NRXN2: variants seen among roughly 807,000 people sequenced by gnomAD.
NRXN2 encodes the protein neurexin 2, also known as neurexin-2-beta.
NRXN2 carries 29 observed loss-of-function variants against 128.8 expected under a neutral mutation model. That is an observed-to-expected ratio of 0.23 (90% CI 0.17 to 0.31). The LOEUF (loss-of-function observed/expected upper bound fraction) is 0.31. Ranked by LOEUF, NRXN2 falls within the 10% of genes least tolerant of loss-of-function variation. The probability of loss-of-function intolerance (pLI) is 1.00; values close to 1 mark genes in which losing one functional copy is unlikely to be tolerated. For missense variants in NRXN2, 1,881 were observed against 2,452.6 expected (o/e 0.77, Z 4.92); for synonymous variants, 1,098 against 1,075.2 (o/e 1.02, Z -0.41).
At position 64,714,955 on chromosome 11, in the gene NRXN2, A is replaced by C. The variant is rs1473172764; in HGVS notation, c.-244-1012T>G. 6.6e-6 allele frequency among the ~76,000 whole-genome samples: 1 copy of C among 151,846 alleles called. No homozygotes were observed. The highest frequency in any genetic ancestry group is 1.5e-5 in the Non-Finnish European group (1 of 67,970). On this transcript the variant is annotated intron_variant, in intron 1 of 22. Transcript: ENST00000265459. This position sits in a 1 kb window ranked among gnomAD's most constrained non-coding sequence, Gnocchi z 4.5. ...ATATTGCATTGATTTTATTTTGGGGAGGGAGGGAGAGAAGGAGGTGGGGAG... is the reference window on the plus strand; with the variant it reads ...ATATTGCATTGATTTTATTTTGGGGCGGGAGGGAGAGAAGGAGGTGGGGAG...
intron 2 of NRXN2, among the ~76,000 whole-genome samples, chr11:64,711,985 A>C (rs2056942350): frequency 6.6e-6 from 1 of 152,170 alleles, no homozygotes; most frequent in African/African-American, 2.4e-5. Flanking sequence ...CCTCACGCCT[A>C]GGCCCTCATC....
Position 64,626,486 on chromosome 11 carries a change from A to G in NRXN2, c.3824T>C (p.Val1275Ala), listed in dbSNP as rs2043084327. The G allele has an allele frequency of 1.2e-6, 2 of 1,613,238 alleles. No homozygotes were observed. Among genetic ancestry groups the G allele is most frequent in the African/African-American group, 2.7e-5 (2 of 74,902 alleles). The change falls in exon 20 of 23, where the codon GTA becomes GCA. Residue 1275 changes from valine to alanine, a missense_variant. Around this residue, in one of 7 missense-constraint regions of NRXN2, gnomAD observed 390 missense variants for 599.6 expected, o/e 0.65. Coordinates refer to ENST00000265459, the MANE Select transcript of NRXN2 (RefSeq NM_015080.4). ...QRIPYRLGRV[V>A]DEWLLDKGRQ... Reference sequence around the variant, plus strand: ...ACCTTTGTCGAGCAGCCACTCATCTACTACTCGACCAAGCCGGTAGGGGAT... The same window carrying G: ...ACCTTTGTCGAGCAGCCACTCATCTGCTACTCGACCAAGCCGGTAGGGGAT...
chr11:64,644,914 C>T (rs910057183), intron 17 of NRXN2, among the ~76,000 whole-genome samples: 1 of 152,148 alleles, frequency 6.6e-6, no homozygotes, highest in African/African-American at 2.4e-5. Context: ...CCACCCCCAG[C>T]TCCAGGATGC....
At chr11:64,612,494 T>G (rs956696946) in intron 22 of NRXN2, among the ~76,000 whole-genome samples, 2 of 152,218 alleles carry the variant, frequency 1.3e-5, no homozygotes, top group Admixed American at 1.3e-4. Flanking sequence ...TAAGAAAAAC[T>G]GAATTTCAGT....
chr11:64,670,768 G>A (rs781053353), intron 7 of NRXN2, among the ~76,000 whole-genome samples: 16 of 152,140 alleles, frequency 1.1e-4, no homozygotes, highest in Non-Finnish European at 1.9e-4. Flanking sequence ...AATACCTAAG[G>A]AGCCTGTGAC....
chr11:64,665,919 G>A (rs1363829292), intron 9 of NRXN2, among the ~76,000 whole-genome samples: 1 of 152,192 alleles, frequency 6.6e-6, no homozygotes, highest in African/African-American at 2.4e-5. Flanking sequence ...CTGAAATGAA[G>A]GGTAAAGAAG....
At chr11:64,626,424 TA>T (rs1332033991) in intron 20 of NRXN2, 38 bp downstream of exon 20, 2 of 1,487,608 alleles carry the variant, frequency 1.3e-6, no homozygotes, top group Admixed American at 3.4e-5. Flanking sequence ...ATAGTGTTTT[TA>T]AAGTTAATTA....
At position 64,613,835 on chromosome 11, in the gene NRXN2, G is replaced by T. The variant is rs547510941; in HGVS notation, c.4253-5753C>A. 2.0e-5 allele frequency among the ~76,000 whole-genome samples: 3 copies of T among 152,304 alleles called. No individual in the cohort carries two copies. In the East Asian group the frequency reaches 5.8e-4, roughly 29 times the overall value. ...ACTCGTGACAATCCAAGGCGTGGAG[G>T]CTGGGAAGATAAAACCCACATAATG... On this transcript the variant is annotated intron_variant, in intron 22 of 22. Transcript: ENST00000265459.
intron 22 of NRXN2, among the ~76,000 whole-genome samples, chr11:64,616,048 T>C (rs1283486317): frequency 6.6e-6 from 1 of 152,128 alleles, no homozygotes; most frequent in Non-Finnish European, 1.5e-5. Context: ...AGTATGAGCT[T>C]CTATAGGGGC....
intron 17 of NRXN2, among the ~76,000 whole-genome samples, chr11:64,642,013 GGAGGA>G (rs2045749631): frequency 6.6e-6 from 1 of 152,072 alleles, no homozygotes; most frequent in Non-Finnish European, 1.5e-5. Context: ...AAGAGGTCAA[GGAGGA>G]AGAGACATGT....
rs899310405 is a variant in NRXN2 at position 64,622,895 on chromosome 11, G to A, written c.4031C>T (p.Pro1344Leu). Residue 1344 changes from proline to leucine, a missense_variant, in exon 21 of 23, where the codon CCG becomes CTG. Coordinates refer to ENST00000265459, the MANE Select transcript of NRXN2 (RefSeq NM_015080.4). This position sits in a 1 kb window ranked among gnomAD's most constrained non-coding sequence, Gnocchi z 4.3. ...GGTCTCCGCACTGAGCAGCACGGAC[G>A]GCCCCTCCCCCACCAGGCGCAGGTG... ...EGHLRLVGEG[P>L]SVLLSAETTA... The A allele has an allele frequency of 4.3e-6, 7 of 1,613,030 alleles. No homozygotes were observed. Among genetic ancestry groups the A allele is most frequent in the Admixed American group, 1.7e-5 (1 of 59,974 alleles).
chr11:64,680,144 T>C (rs977352047), intron 6 of NRXN2, among the ~76,000 whole-genome samples: 2 of 152,082 alleles, frequency 1.3e-5, no homozygotes, highest in Non-Finnish European at 2.9e-5. Context: ...ACACCAACTG[T>C]AGGAATTCAC....
rs1413691432 is a variant in NRXN2, at chr11:64,626,548, G to A, written c.3762C>T (p.Asn1254=). 1 of 1,613,888 alleles carries A rather than the reference G, an allele frequency of 6.2e-7. No homozygotes were observed. ...WPVNERYPAG[N]FDNERLAIAR... The stretch of plus-strand genomic sequence containing the variant: ...CAATCGCCAGGCGCTCGTTATCAAA[G>A]TTTCCTTGGAAAAGTTTAGAAAGAC... The change falls in exon 20 of 23, where the codon AAC becomes AAT. Residue 1254 remains asparagine, a synonymous_variant. Coordinates refer to ENST00000265459, the MANE Select transcript of NRXN2 (RefSeq NM_015080.4).
chr11:64,666,511 A>G (rs1479077970), intron 9 of NRXN2, among the ~76,000 whole-genome samples: 1 of 151,540 alleles, frequency 6.6e-6, no homozygotes, highest in South Asian at 2.1e-4. Flanking sequence ...CTAGTGAGTT[A>G]ATTTTTTTTT....
In NRXN2 at chr11:64,653,755, G is replaced by C. The variant is rs1356540084; in HGVS notation, c.2390-33C>G. The C allele has an allele frequency of 3.3e-6, 5 of 1,527,638 alleles. No homozygotes were observed. The South Asian group carries it at 3.7e-5, about 11-fold the overall frequency. The allele number at this position is 1,527,638 out of a possible 1,614,324, so 94.6% of individuals were successfully genotyped here. A position where few individuals can be genotyped will look rare whatever the true frequency, so the allele number is the denominator to read the frequency against. On this transcript the variant is annotated intron_variant, in intron 11 of 22. Transcript: ENST00000265459. ...GGCCATGGGGCGGGCAGAGGGGAAG[G>C]GGAGACAAAAAGGTAAAACAAGTTT...
intron 11 of NRXN2, among the ~76,000 whole-genome samples, chr11:64,657,073 T>C (rs1276317499): frequency 1.3e-5 from 2 of 152,234 alleles, no homozygotes; most frequent in South Asian, 2.1e-4. Flanking sequence ...CCTGGAGCAA[T>C]AGCTTCCCTC....
chr11:64,627,898 C>G (rs899159556), intron 19 of NRXN2, among the ~76,000 whole-genome samples: 1 of 152,140 alleles, frequency 6.6e-6, no homozygotes, highest in Non-Finnish European at 1.5e-5. Context: ...CCCAGAGACC[C>G]GGGCCTGGGC....
At chr11:64,715,753 G>A (rs1008907253) in intron 1 of NRXN2, among the ~76,000 whole-genome samples, 1 of 152,182 alleles carries the variant, frequency 6.6e-6, no homozygotes, top group Non-Finnish European at 1.5e-5. Context: ...CCTCTGCCCG[G>A]GCAGTGGGGA....
At chr11:64,666,164 C>A (rs11231850) in intron 9 of NRXN2, among the ~76,000 whole-genome samples, 1 of 151,924 alleles carries the variant, frequency 6.6e-6, no homozygotes, top group Non-Finnish European at 1.5e-5. Context: ...TGGACACCAT[C>A]TGGCACACAG....
Sources: allele counts gnomAD v4.1 joint callset (sites outside exome capture counted in the v4.1 genomes callset), GRCh38; gene constraint gnomAD v4.1.1; regional missense constraint gnomAD v4.1.1; non-coding constraint Gnocchi (gnomAD v3.1); transcripts MANE v1.5; gene names NCBI Gene and HGNC (gene_info 2026-07-23, HGNC 2026-07-21).